Variants in DYNC2I2 observed in about 807,000 individuals in gnomAD.
DYNC2I2 encodes dynein 2 intermediate chain 2.
DYNC2I2 carries 39 observed loss-of-function variants against 52.0 expected under a neutral mutation model. That is an observed-to-expected ratio of 0.75 (90% CI 0.58 to 0.98). DYNC2I2 has a LOEUF of 0.98. DYNC2I2 is among the 50% of genes least tolerant of loss of function. DYNC2I2 has a pLI of 0.00. For missense variants in DYNC2I2, 743 were observed against 728.4 expected (o/e 1.02, Z -0.23); for synonymous variants, 359 against 321.1 (o/e 1.12, Z -1.26).
At chr9:128,641,630 A>G (rs1300338844) in intron 1 of DYNC2I2, among the ~76,000 whole-genome samples, 1 of 152,142 alleles carries the variant, frequency 6.6e-6, no homozygotes, top group African/African-American at 2.4e-5. Context: ...GGAAGCAATC[A>G]TGGTGATTGC....
chr9:128,644,996 T>C (rs1295313205), intron 1 of DYNC2I2, among the ~76,000 whole-genome samples: 1 of 152,172 alleles, frequency 6.6e-6, no homozygotes, highest in African/African-American at 2.4e-5. Flanking sequence ...ACTGACCAGC[T>C]GTTGCCTGTC....
chr9:128,657,903 A>G (rs1860862881), upstream of DYNC2I2, among the ~76,000 whole-genome samples: 1 of 152,122 alleles, frequency 6.6e-6, no homozygotes, highest in South Asian at 2.1e-4. Context: ...CTGCCTGGGC[A>G]ACACAGCAAG....
chr9:128,671,470 CTTTTTT>C, the DYNC2I2 span, among the ~76,000 whole-genome samples: 1 of 107,736 alleles, frequency 9.3e-6, no homozygotes. Context: ...CTGGCTAATT[CTTTTTT>C]TTTTTTTTTT....
rs549230068 is a variant in DYNC2I2 at position 128,633,822 on chromosome 9, C to G, written c.1533G>C (p.Gln511His). Residue 511 changes from glutamine (Q) to histidine (H), a missense_variant, in exon 9 of 9, where the codon CAG becomes CAC. Transcript: ENST00000372715. Reference protein sequence around the residue: ...GDAQGTVKVWQLSTEFTEQGP... With the variant: ...GDAQGTVKVWHLSTEFTEQGP... The stretch of plus-strand genomic sequence containing the variant: ...CTTGTTCCGTGAACTCTGTGCTCAG[C>G]TGCCACACCTTCACTGTGCCCTGGG... 4 of 1,613,602 alleles carry G rather than the reference C, an allele frequency of 2.5e-6. No individual in the cohort carries two copies. The highest frequency in any genetic ancestry group is 3.4e-6 in the Non-Finnish European group (4 of 1,180,042).
chr9:128,635,044 C>A, intron 6 of DYNC2I2, 48 bp downstream of exon 6: 2 of 1,589,704 alleles, frequency 1.3e-6, no homozygotes, highest in Non-Finnish European at 1.7e-6. Flanking sequence ...CTTCCCACCC[C>A]CAAGGCTCAC....
intron 5 of DYNC2I2, 99 bp from the exon 6 acceptor site, chr9:128,635,358 A>T: frequency 2.1e-6 from 3 of 1,397,520 alleles, no homozygotes; most frequent in Non-Finnish European, 1.9e-6. Flanking sequence ...AAAAAAAAAA[A>T]TTCTCCGGGA....
intron 1 of DYNC2I2, among the ~76,000 whole-genome samples, chr9:128,642,410 C>T (rs909122422): frequency 7.9e-5 from 11 of 138,956 alleles, no homozygotes; most frequent in African/African-American, 3.0e-4. Context: ...GAGCCGAGAT[C>T]ATGCCACTGC....
chr9:128,649,602 C>G (rs1860685894), intron 1 of DYNC2I2, among the ~76,000 whole-genome samples: 1 of 144,582 alleles, frequency 6.9e-6, no homozygotes, highest in Non-Finnish European at 1.5e-5. Flanking sequence ...GGTGGGAGAA[C>G]TGCTGGAACT....
At chr9:128,654,744 C>T (rs2132184705) in intron 1 of DYNC2I2, among the ~76,000 whole-genome samples, 1 of 152,256 alleles carries the variant, frequency 6.6e-6, no homozygotes, top group South Asian at 2.1e-4. Flanking sequence ...CTTTTCATCT[C>T]CTTAGATGAC....
At chr9:128,636,826 G>C (rs1319052083) in intron 3 of DYNC2I2, 92 bp downstream of exon 3, 24 of 1,024,048 alleles carry the variant, frequency 2.3e-5, no homozygotes, top group African/African-American at 3.2e-5. Context: ...CAAGCTCTTA[G>C]AACCAGCCCT....
At chr9:128,670,887 G>A in the DYNC2I2 span, among the ~76,000 whole-genome samples, 50 of 151,760 alleles carry the variant, frequency 3.3e-4, no homozygotes, top group Non-Finnish European at 6.2e-4. Flanking sequence ...GACCAACATG[G>A]TGAAACCCCG....
chr9:128,681,601 G>A, the DYNC2I2 span, among the ~76,000 whole-genome samples: 3 of 152,222 alleles, frequency 2.0e-5, no homozygotes, highest in South Asian at 2.1e-4. Context: ...ACCATTGCTC[G>A]GTCACAAAGC....
chr9:128,656,497 C>G, intron 1 of DYNC2I2, 44 bp downstream of exon 1: 1 of 1,236,848 alleles, frequency 8.1e-7, no homozygotes, highest in Non-Finnish European at 1.0e-6. Flanking sequence ...GCTGCGACCC[C>G]GCCTTCCCGC....
chr9:128,663,335 G>A, the DYNC2I2 span: 2 of 152,148 alleles, frequency 1.3e-5, no homozygotes, highest in South Asian at 2.1e-4. Flanking sequence ...TGCAGTGTAG[G>A]GACCTCAAAC....
At chr9:128,671,987 T>G in the DYNC2I2 span, among the ~76,000 whole-genome samples, 5 of 142,678 alleles carry the variant, frequency 3.5e-5, 1 homozygote, top group African/African-American at 1.3e-4. Flanking sequence ...ATTTATTTAT[T>G]TATTGAGACG....
the DYNC2I2 span, among the ~76,000 whole-genome samples, chr9:128,669,136 C>A: frequency 5.3e-5 from 8 of 152,118 alleles, no homozygotes; most frequent in East Asian, 3.9e-4. Flanking sequence ...GAGGCCGAGG[C>A]GGGCGGATCA....
chr9:128,640,012 C>CTTTT lies in DYNC2I2; in HGVS notation c.435+675_435+678dup, dbSNP rs71381781. On this transcript the variant is annotated intron_variant, in intron 2 of 8. Transcript: ENST00000372715. ...TGAAGAAGATACCACAGGAGACATT[C>CTTTT]TTTTTTTTTTTTTGAGACAGAGTCT... is the stretch of plus-strand genomic sequence containing the variant. Among the ~76,000 whole-genome samples, 12 of 118,888 alleles carry CTTTT rather than the reference C, an allele frequency of 1.0e-4. 2 individuals are homozygous for CTTTT. The highest frequency in any genetic ancestry group is 3.9e-4 in the Admixed American group (4 of 10,294). The allele number at this position is 118,888 out of a possible 152,430, so 78.0% of individuals were successfully genotyped here.
chr9:128,665,302 C>T, the DYNC2I2 span, among the ~76,000 whole-genome samples: 4 of 152,040 alleles, frequency 2.6e-5, no homozygotes, highest in Non-Finnish European at 4.4e-5. Context: ...CCACCCTCCT[C>T]GGCCTCCCAA....
intron 2 of DYNC2I2, among the ~76,000 whole-genome samples, chr9:128,639,412 A>T (rs947544643): frequency 3.9e-5 from 6 of 152,110 alleles, no homozygotes; most frequent in Middle Eastern, 3.4e-3. Flanking sequence ...AAATAAAAAA[A>T]AAAGAAAAAG....
Sources: gnomAD v4.1 joint callset for allele counts (sites outside exome capture counted in the v4.1 genomes callset) on GRCh38, gnomAD v4.1.1 for gene constraint, MANE v1.5 for transcripts, NCBI Gene and HGNC (gene_info 2026-07-23, HGNC 2026-07-21) for gene names.